Variants in PLD5 observed in about 807,000 individuals in gnomAD.
PLD5 encodes phospholipase D family member 5.
In PLD5, 36 loss-of-function variants were observed where a neutral mutation model predicts 61.1. The observed-to-expected ratio is 0.59, with a 90% CI of 0.45 to 0.78. PLD5 has a LOEUF of 0.78. Ranked by LOEUF, PLD5 falls within the 30% of genes least tolerant of loss-of-function variation. The pLI is 0.00. For missense variants in PLD5, 515 were observed against 644.4 expected, an observed-to-expected ratio of 0.80 and a Z score of 2.17; for synonymous variants, 243 against 242.8, an observed-to-expected ratio of 1.00 and a Z score of -0.01.
At chr1:242,378,422 C>A (rs1662088906) in intron 1 of PLD5, among the ~76,000 whole-genome samples, 1 of 152,130 alleles carries the variant, frequency 6.6e-6, no homozygotes, top group Non-Finnish European at 1.5e-5. Flanking sequence ...GAAAAGAGTT[C>A]TGTGGATGGA....
At chr1:242,333,359 T>C (rs1485601035) in intron 2 of PLD5, among the ~76,000 whole-genome samples, 1 of 152,128 alleles carries the variant, frequency 6.6e-6, no homozygotes, top group Non-Finnish European at 1.5e-5. Context: ...TTCAGAAACA[T>C]ATTTTTTTTC....
intron 1 of PLD5, among the ~76,000 whole-genome samples, chr1:242,475,576 C>G (rs1463432217): frequency 6.6e-6 from 1 of 152,134 alleles, no homozygotes; most frequent in Non-Finnish European, 1.5e-5. Flanking sequence ...ACAGGAGCAT[C>G]TTTAGCAGAG....
intron 5 of PLD5, among the ~76,000 whole-genome samples, chr1:242,184,204 A>C (rs960347423): frequency 1.5e-4 from 23 of 152,268 alleles, no homozygotes; most frequent in South Asian, 1.0e-3. Context: ...CGCCATGAAC[A>C]CTGAAATTAT....
intron 3 of PLD5, among the ~76,000 whole-genome samples, chr1:242,277,183 C>T (rs1674461667): frequency 6.6e-6 from 1 of 152,178 alleles, no homozygotes; most frequent in Admixed American, 6.5e-5. Context: ...CACAGCCTGG[C>T]ATCATTCCTT....
intron 1 of PLD5, among the ~76,000 whole-genome samples, chr1:242,488,138 G>T (rs982677194): frequency 3.9e-5 from 6 of 152,126 alleles, no homozygotes; most frequent in African/African-American, 1.4e-4. Flanking sequence ...AAATGGTACA[G>T]CCACTTTGAA....
At chr1:242,359,068 T>G (rs2149234092) in intron 1 of PLD5, among the ~76,000 whole-genome samples, 1 of 152,262 alleles carries the variant, frequency 6.6e-6, no homozygotes, top group Non-Finnish European at 1.5e-5. Flanking sequence ...GCAGGTGACC[T>G]ATGCTATTAC....
chr1:242,243,238 G>T (rs1672169109), intron 4 of PLD5, among the ~76,000 whole-genome samples: 1 of 152,176 alleles, frequency 6.6e-6, no homozygotes, highest in Admixed American at 6.5e-5. Context: ...GGTTTGAGTG[G>T]AAAAAGGCAG....
At chr1:242,193,267 A>C (rs1182706362) in intron 5 of PLD5, among the ~76,000 whole-genome samples, 1 of 152,228 alleles carries the variant, frequency 6.6e-6, no homozygotes. Context: ...ACTGAAGATA[A>C]CGTAGAGAAA....
chr1:242,450,547 AT>A, intron 1 of PLD5, among the ~76,000 whole-genome samples: 1 of 152,220 alleles, frequency 6.6e-6, no homozygotes, highest in African/African-American at 2.4e-5. Flanking sequence ...AAAAGGAAAA[AT>A]TCACATCTTC....
intron 1 of PLD5, among the ~76,000 whole-genome samples, chr1:242,358,900 G>C (rs188333608): frequency 3.7e-4 from 57 of 152,246 alleles, no homozygotes; most frequent in Admixed American, 2.5e-3. Flanking sequence ...GTGTCTACTT[G>C]TTGTGGAAAT....
At chr1:242,145,037 A>T (rs1285139257) in intron 5 of PLD5, among the ~76,000 whole-genome samples, 6 of 152,160 alleles carry the variant, frequency 3.9e-5, no homozygotes, top group African/African-American at 1.4e-4. Context: ...TGTTAGGTAG[A>T]TATTAAAACT....
intron 1 of PLD5, among the ~76,000 whole-genome samples, chr1:242,455,031 C>T (rs540297278): frequency 7.9e-5 from 12 of 152,272 alleles, no homozygotes; most frequent in African/African-American, 2.9e-4. Context: ...TTTTTAATCA[C>T]CTGTTAAAAA....
intron 1 of PLD5, among the ~76,000 whole-genome samples, chr1:242,441,567 T>C (rs1194753528): frequency 1.3e-5 from 2 of 152,234 alleles, no homozygotes; most frequent in East Asian, 3.8e-4. Flanking sequence ...CAGCCCTTTT[T>C]CATCTTCCCT....
intron 2 of PLD5, among the ~76,000 whole-genome samples, chr1:242,295,948 G>A (rs1174895831): frequency 1.3e-5 from 2 of 152,102 alleles, no homozygotes; most frequent in East Asian, 1.9e-4. Flanking sequence ...GCATTATGTA[G>A]AGAACAATTC....
intron 5 of PLD5, among the ~76,000 whole-genome samples, chr1:242,163,192 G>A (rs1421176062): frequency 1.4e-5 from 2 of 144,426 alleles, no homozygotes; most frequent in African/African-American, 2.6e-5. Context: ...CACCCAGGCT[G>A]GAGTGCAGTG....
At chr1:242,377,683 A>C (rs1212898939) in intron 1 of PLD5, among the ~76,000 whole-genome samples, 4 of 152,190 alleles carry the variant, frequency 2.6e-5, no homozygotes, top group Non-Finnish European at 4.4e-5. Context: ...ACAACAAAAA[A>C]TACAAACAAC....
intron 4 of PLD5, chr1:242,235,710 T>A (rs1424696035): frequency 6.6e-6 from 1 of 152,194 alleles, no homozygotes; most frequent in Non-Finnish European, 1.5e-5. Context: ...CTGTGCTCCT[T>A]GCCGTTCTTG....
intron 2 of PLD5, among the ~76,000 whole-genome samples, chr1:242,310,756 T>C (rs1412456256): frequency 1.3e-5 from 2 of 152,194 alleles, no homozygotes; most frequent in African/African-American, 4.8e-5. Context: ...GGTATATCTC[T>C]AGTGGATGGG....
At chr1:242,506,605 T>G (rs2102995941) in intron 1 of PLD5, among the ~76,000 whole-genome samples, 1 of 152,280 alleles carries the variant, frequency 6.6e-6, no homozygotes, top group Middle Eastern at 3.4e-3. Flanking sequence ...GACACATTTC[T>G]TCTCTCTCAA....
Sources: gnomAD v4.1 joint callset for allele counts (sites outside exome capture counted in the v4.1 genomes callset) on GRCh38, gnomAD v4.1.1 for gene constraint, MANE v1.5 for transcripts, NCBI Gene and HGNC (gene_info 2026-07-23, HGNC 2026-07-21) for gene names.